The following CDC42SE2 variants were observed in gnomAD, a reference collection of about 807,000 sequenced individuals.
CDC42SE2 encodes the protein CDC42 small effector protein 2.
A neutral mutation model predicts 11.5 loss-of-function variants in CDC42SE2; 3 were observed. The observed-to-expected ratio is 0.26, with a 90% CI of 0.12 to 0.67. CDC42SE2 has a LOEUF of 0.67. Among genes scored for constraint, CDC42SE2 ranks in the 30% least tolerant of loss-of-function variants. The probability of loss-of-function intolerance (pLI) is 0.80; values close to 1 mark genes in which losing one functional copy is unlikely to be tolerated. For synonymous variants in CDC42SE2, 33 were observed against 34.8 expected, an observed-to-expected ratio of 0.95 and a Z score of 0.18; for missense variants, 82 against 106.8, an observed-to-expected ratio of 0.77 and a Z score of 1.02.
chr5:131,352,848 C>A (rs1252889800), intron 2 of CDC42SE2, among the ~76,000 whole-genome samples: 3 of 152,144 alleles, frequency 2.0e-5, no homozygotes, highest in Non-Finnish European at 2.9e-5. Context: ...CTTCAGACCC[C>A]CTTCCCCAGT....
chr5:131,348,937 A>T (rs962722907), intron 2 of CDC42SE2, among the ~76,000 whole-genome samples: 6 of 152,198 alleles, frequency 3.9e-5, no homozygotes, highest in Non-Finnish European at 8.8e-5. Context: ...GGCTAGCCAC[A>T]TGTAGAAAGC....
chr5:131,334,974 T>A (rs537442443), intron 2 of CDC42SE2, among the ~76,000 whole-genome samples: 234 of 152,350 alleles, frequency 1.5e-3, no homozygotes, highest in Non-Finnish European at 2.7e-3. Flanking sequence ...CCTTCAGTTC[T>A]GCTCTGATCT....
At chr5:131,286,162 C>A (rs1757335551) in intron 1 of CDC42SE2, among the ~76,000 whole-genome samples, 2 of 151,082 alleles carry the variant, frequency 1.3e-5, no homozygotes, top group Admixed American at 6.6e-5. Flanking sequence ...TCAAGCAATC[C>A]TCCTGGGCCC....
the CDC42SE2 span, among the ~76,000 whole-genome samples, chr5:131,227,289 C>A: frequency 1.3e-5 from 2 of 152,070 alleles, no homozygotes; most frequent in Non-Finnish European, 2.9e-5. Flanking sequence ...ATAATAATTA[C>A]AAGATGCAGT....
chr5:131,348,972 C>G (rs981542237), intron 2 of CDC42SE2, among the ~76,000 whole-genome samples: 4 of 152,098 alleles, frequency 2.6e-5, no homozygotes, highest in African/African-American at 9.7e-5. Context: ...TTCCCTACAC[C>G]CTATACAAAA....
At chr5:131,251,578 G>GA (rs778227999) in intron 1 of CDC42SE2, among the ~76,000 whole-genome samples, 4 of 151,872 alleles carry the variant, frequency 2.6e-5, no homozygotes, top group East Asian at 3.9e-4. Context: ...ACTAAAAAAA[G>GA]AAAAAAAATT....
At chr5:131,219,966 G>A in the CDC42SE2 span, among the ~76,000 whole-genome samples, 1 of 151,020 alleles carries the variant, frequency 6.6e-6, no homozygotes, top group Non-Finnish European at 1.5e-5. Context: ...GTTGTGGGTT[G>A]CCACAGCAAC....
chr5:131,285,635 T>C (rs749481326), intron 1 of CDC42SE2, among the ~76,000 whole-genome samples: 1 of 152,194 alleles, frequency 6.6e-6, no homozygotes, highest in Non-Finnish European at 1.5e-5. Context: ...ACAAACTCTA[T>C]TCTAGGATTT....
chr5:131,275,924 A>G (rs1249185209), intron 1 of CDC42SE2, among the ~76,000 whole-genome samples: 4 of 152,084 alleles, frequency 2.6e-5, no homozygotes, highest in Non-Finnish European at 5.9e-5. Flanking sequence ...GTAAACTAGC[A>G]GCTACAATAA....
At chr5:131,312,823 G>A (rs1757954201) in intron 1 of CDC42SE2, among the ~76,000 whole-genome samples, 1 of 152,114 alleles carries the variant, frequency 6.6e-6, no homozygotes, top group South Asian at 2.1e-4. Context: ...CGCACCCACT[G>A]ACCTGCGCCC....
At chr5:131,247,227 A>T (rs558579988) in intron 1 of CDC42SE2, among the ~76,000 whole-genome samples, 1 of 152,352 alleles carries the variant, frequency 6.6e-6, no homozygotes, top group East Asian at 1.9e-4. Context: ...TATTTTAAAA[A>T]GGTAATATCC....
chr5:131,297,196 A>C (rs1444823338), intron 1 of CDC42SE2, among the ~76,000 whole-genome samples: 2 of 150,996 alleles, frequency 1.3e-5, no homozygotes, highest in African/African-American at 4.9e-5. Context: ...TTTCTCGTGC[A>C]AAAATGGCTT....
At chr5:131,254,357 C>T (rs1756663517) in intron 1 of CDC42SE2, among the ~76,000 whole-genome samples, 1 of 152,106 alleles carries the variant, frequency 6.6e-6, no homozygotes, top group Non-Finnish European at 1.5e-5. Context: ...GCCTGGCCAA[C>T]ATGGCGAAAC....
chr5:131,215,329 C>T, the CDC42SE2 span, among the ~76,000 whole-genome samples: 1 of 152,138 alleles, frequency 6.6e-6, no homozygotes, highest in Non-Finnish European at 1.5e-5. Flanking sequence ...AACAGATACT[C>T]GTTTTAGCTA....
At chr5:131,377,286 A>G (rs1750183289) in intron 3 of CDC42SE2, among the ~76,000 whole-genome samples, 1 of 151,020 alleles carries the variant, frequency 6.6e-6, no homozygotes, top group African/African-American at 2.4e-5. Flanking sequence ...ATTGTGTCTC[A>G]GCCTCTCGAG....
intron 1 of CDC42SE2, among the ~76,000 whole-genome samples, chr5:131,264,755 C>T (rs1041243060): frequency 6.6e-6 from 1 of 152,230 alleles, no homozygotes; most frequent in African/African-American, 2.4e-5. Context: ...CCAGTGCTTG[C>T]AGCTTTAAGT....
chr5:131,391,887 G>GTGAT lies in CDC42SE2; in HGVS notation c.*799_*802dup, dbSNP rs1245244663. On this transcript the variant is annotated 3_prime_UTR_variant, in exon 5 of 5. Transcript: ENST00000505065. ...CTATTCTGTAATTTTTTTTTGTCCT[G>GTGAT]TGATTGCTTTTATTTTGAATTACAA... The GTGAT allele has an allele frequency of 5.3e-5, 8 of 151,644 alleles. No homozygotes were observed. In the East Asian group the frequency reaches 5.7e-4, roughly 11 times the overall value. The allele number at this position is 151,644 out of a possible 1,614,324, so 9.4% of individuals were successfully genotyped here.
rs561359870 is a variant in CDC42SE2, at chr5:131,297,202, G to T, written c.-454-18774G>T. ...TTTTTGTTCTTTCTCGTGCAAAAAT[G>T]GCTTCTTTCCAGATCACTTTGACCT... On this transcript the variant is annotated intron_variant, in intron 1 of 4. Transcript: ENST00000505065. 9.7e-5 allele frequency among the ~76,000 whole-genome samples: 14 copies of T among 144,082 alleles called. No individual in the cohort carries two copies. The East Asian group carries it at 2.2e-3, about 23-fold the overall frequency. The allele number at this position is 144,082 out of a possible 152,430, so 94.5% of individuals were successfully genotyped here.
At chr5:131,235,168 C>T in the CDC42SE2 span, among the ~76,000 whole-genome samples, 1 of 151,752 alleles carries the variant, frequency 6.6e-6, no homozygotes, top group African/African-American at 2.4e-5. Flanking sequence ...GGATTACAGG[C>T]GTGAGCCACC....
Sources: allele counts gnomAD v4.1 joint callset (sites outside exome capture counted in the v4.1 genomes callset), GRCh38; gene constraint gnomAD v4.1.1; transcripts MANE v1.5; gene names NCBI Gene and HGNC (gene_info 2026-07-23, HGNC 2026-07-21).